Variants in DNA2 observed in about 807,000 individuals in gnomAD.
The protein encoded by DNA2 is DNA replication helicase/nuclease 2.
DNA2 carries 101 observed loss-of-function variants against 119.1 expected under a neutral mutation model. That is an observed-to-expected ratio of 0.85 (90% confidence interval 0.72 to 1.00). The LOEUF (loss-of-function observed/expected upper bound fraction) is 1.00, where lower values mean the gene tolerates loss of function less well. DNA2 is among the 50% of genes least tolerant of loss of function. The probability of loss-of-function intolerance (pLI) is 0.00; values close to 1 mark genes in which losing one functional copy is unlikely to be tolerated. For missense variants in DNA2, 1,121 were observed against 1,255.5 expected, an observed-to-expected ratio of 0.89 and a Z score of 1.62; for synonymous variants, 366 against 424.4, an observed-to-expected ratio of 0.86 and a Z score of 1.69.
chr10:68,416,608 G>A, intron 20 of DNA2, 101 bp downstream of exon 20: 1 of 1,248,658 alleles, frequency 8.0e-7, no homozygotes, highest in East Asian at 2.3e-5. Flanking sequence ...AGGAGTTCAA[G>A]ACCAGCTTAA....
At chr10:68,450,550 C>G (rs1471062508) in intron 5 of DNA2, among the ~76,000 whole-genome samples, 1 of 152,162 alleles carries the variant, frequency 6.6e-6, no homozygotes, top group African/African-American at 2.4e-5. Flanking sequence ...AGTTTAAGAA[C>G]CACTGTTCTA....
chr10:68,445,232 A>AG, intron 7 of DNA2, 149 bp from the exon 8 acceptor site: 1 of 702,386 alleles, frequency 1.4e-6, no homozygotes, highest in Non-Finnish European at 2.3e-6. Flanking sequence ...GGGGAGGCTG[A>AG]GGTGGGCGGA....
In DNA2 at chr10:68,465,748, G is replaced by A. The variant is rs2052319420; in HGVS notation, c.506C>T (p.Ala169Val). ...TTCTGGGGCAAAGCTATTATTTATG[G>A]CTTTTTGAAACACCTCATGGAGAAC... ...GTVLHEVFQK[A>V]INNSFAPEKL... Residue 169 changes from alanine (A) to valine (V), a missense_variant, in exon 4 of 21, where the codon GCC becomes GTC. Physicochemically the swap from Ala to Val is moderately conservative, Grantham distance 64 (BLOSUM62 0). Coordinates refer to ENST00000358410, the MANE Select transcript of DNA2 (RefSeq NM_001080449.3). 3.1e-6 allele frequency: 5 copies of A among 1,607,090 alleles called. No individual in the cohort carries two copies. Among genetic ancestry groups the A allele is most frequent in the Non-Finnish European group, 4.2e-6 (5 of 1,176,840 alleles).
chr10:68,434,147 C>T (rs868758147), intron 10 of DNA2, among the ~76,000 whole-genome samples: 1 of 152,068 alleles, frequency 6.6e-6, no homozygotes, highest in Non-Finnish European at 1.5e-5. Flanking sequence ...TGGTGGCACA[C>T]GCCTATAATC....
In DNA2 at chr10:68,446,374, C is replaced by T; in HGVS notation, c.979G>A (p.Asp327Asn). The stretch of plus-strand genomic sequence containing the variant: ...TAGAGAAGCAAGCCAGCCTCTGGAT[C>T]AGCTCTTCTCTCTTGGCTTAGTAGA... ...YTLLSQERRA[D>N]PEAGLLLYLK... Residue 327 changes from aspartate to asparagine, a missense_variant, in exon 7 of 21, where the codon GAT becomes AAT. Asp to Asn is a conservative substitution (Grantham distance 23, BLOSUM62 1). Transcript: ENST00000358410. 6.3e-7 allele frequency: 1 copy of T among 1,596,438 alleles called. No homozygotes were observed. The highest frequency in any genetic ancestry group is 8.5e-7 in the Non-Finnish European group (1 of 1,171,050).
Position 68,414,675 on chromosome 10 carries a change from T to C in DNA2, c.*364A>G, listed in dbSNP as rs1282527292. 2 of 173,578 alleles carry C rather than the reference T, an allele frequency of 1.2e-5. No individual in the cohort carries two copies. Among genetic ancestry groups the C allele is most frequent in the African/African-American group, 4.7e-5 (2 of 42,316 alleles). The allele number at this position is 173,578 out of a possible 1,614,324, so 10.8% of individuals were successfully genotyped here. On this transcript the variant is annotated 3_prime_UTR_variant, in exon 21 of 21. Transcript: ENST00000358410. ...AAGAATCACACTTATGTTCTCATCATCACAAGACTGTGCTTAAATGATGAA... is the reference window on the plus strand; with the variant it reads ...AAGAATCACACTTATGTTCTCATCACCACAAGACTGTGCTTAAATGATGAA...
rs146652415 is a variant in DNA2, at chr10:68,439,676, A to C, written c.1416-2435T>G. Among the ~76,000 whole-genome samples the C allele has an allele frequency of 3.2e-3, 486 of 152,154 alleles. 3 individuals carry two copies. Among genetic ancestry groups the C allele is most frequent in the African/African-American group, 0.011 (450 of 41,516 alleles). On this transcript the variant is annotated intron_variant, in intron 9 of 20. Coordinates refer to ENST00000358410, the MANE Select transcript of DNA2 (RefSeq NM_001080449.3). ...AACATGGAGAAACCCCGTCTCTACT[A>C]AAAGTACAAAATTAGCCTGGCGTGG... is the stretch of plus-strand genomic sequence containing the variant.
At chr10:68,419,647 G>A (rs2051639374) in intron 18 of DNA2, among the ~76,000 whole-genome samples, 156 bp downstream of exon 18, 2 of 152,148 alleles carry the variant, frequency 1.3e-5, no homozygotes, top group Admixed American at 1.3e-4. Context: ...AATATTACAT[G>A]TCTTAGATAC....
intron 14 of DNA2, chr10:68,424,965 A>G (rs1242401582): frequency 1.6e-6 from 1 of 633,542 alleles, no homozygotes; most frequent in African/African-American, 1.8e-5. Context: ...AGGCAAATAT[A>G]AGGAGGAACT....
At chr10:68,450,873 C>A (rs537927175) in intron 5 of DNA2, among the ~76,000 whole-genome samples, 1 of 152,144 alleles carries the variant, frequency 6.6e-6, no homozygotes, top group Admixed American at 6.6e-5. Flanking sequence ...CTAAGGCAAG[C>A]AGATCACTTG....
At chr10:68,437,445 G>A (rs1034834099) in intron 9 of DNA2, among the ~76,000 whole-genome samples, 3 of 150,918 alleles carry the variant, frequency 2.0e-5, no homozygotes, top group Non-Finnish European at 2.9e-5. Flanking sequence ...AGACCAGCCT[G>A]GCCAACATGG....
Position 68,419,033 on chromosome 10 carries a change from C to A in DNA2, c.2967+1G>T. The A allele has an allele frequency of 6.3e-7, 1 of 1,581,302 alleles. No individual in the cohort carries two copies. Among genetic ancestry groups the A allele is most frequent in the Non-Finnish European group, 8.6e-7 (1 of 1,167,942 alleles). On this transcript the variant is annotated splice_donor_variant, in intron 19 of 20. Coordinates refer to ENST00000358410, the MANE Select transcript of DNA2 (RefSeq NM_001080449.3). LOFTEE classifies it high-confidence loss of function. ...ATCAGTAGCAAACACAATTAACTCA[C>A]AGTTCCATCCTTATTACTTCTAACA...
intron 5 of DNA2, among the ~76,000 whole-genome samples, chr10:68,457,698 AC>A (rs1440462616): frequency 1.3e-5 from 2 of 152,114 alleles, no homozygotes; most frequent in Non-Finnish European, 2.9e-5. Flanking sequence ...ACAGAAAAAA[AC>A]ATATTTCCCC....
At chr10:68,422,956 T>G (rs1169239438) in intron 14 of DNA2, 66 bp from the exon 15 acceptor site, 17 of 1,244,534 alleles carry the variant, frequency 1.4e-5, no homozygotes, top group Non-Finnish European at 1.9e-5. Flanking sequence ...TTTCTCTCAT[T>G]TTTGAAATGA....
intron 14 of DNA2, chr10:68,424,678 A>G (rs2051712943): frequency 6.2e-7 from 1 of 1,606,944 alleles, no homozygotes; most frequent in African/African-American, 1.3e-5. Context: ...GAGCTGCGGC[A>G]GAAGTACAAT....
At chr10:68,455,916 A>G (rs1022801606) in intron 5 of DNA2, among the ~76,000 whole-genome samples, 1 of 152,004 alleles carries the variant, frequency 6.6e-6, no homozygotes, top group Non-Finnish European at 1.5e-5. Flanking sequence ...TTTAAAATAC[A>G]TGTGAAAATC....
chr10:68,434,472 A>AC (rs11317416), intron 10 of DNA2, among the ~76,000 whole-genome samples: 113 of 150,810 alleles, frequency 7.5e-4, no homozygotes, highest in Middle Eastern at 3.4e-3. Flanking sequence ...ACGTAGTGAG[A>AC]CCCCCCCCAT....
At chr10:68,452,539 A>C (rs7067909) in intron 5 of DNA2, among the ~76,000 whole-genome samples, 21,135 of 151,832 alleles carry the variant, frequency 0.14, 2,108 homozygotes, top group African/African-American at 0.27. Flanking sequence ...ACTAAAATTC[A>C]ATGCCCTGGA....
intron 3 of DNA2, 51 bp from the exon 4 acceptor site, chr10:68,465,863 T>C (rs530013977): frequency 4.3e-6 from 6 of 1,386,964 alleles, no homozygotes; most frequent in African/African-American, 1.5e-5. Context: ...ACAGACACAA[T>C]TGTATATTTA....
Sources: allele counts gnomAD v4.1 joint callset (sites outside exome capture counted in the v4.1 genomes callset), GRCh38; gene constraint gnomAD v4.1.1; transcripts MANE v1.5; gene names NCBI Gene and HGNC (gene_info 2026-07-23, HGNC 2026-07-21).